CRISP2: variants seen among roughly 807,000 people sequenced by gnomAD.
CRISP2 encodes cysteine rich secretory protein 2.
A neutral mutation model predicts 31.7 loss-of-function variants in CRISP2; 29 were observed. The observed-to-expected ratio is 0.92, with a 90% CI of 0.68 to 1.25. The LOEUF (loss-of-function observed/expected upper bound fraction) is 1.25, where lower values mean the gene tolerates loss of function less well. CRISP2 is among the 50% of genes most tolerant of loss of function. The probability of loss-of-function intolerance (pLI) is 0.00; values close to 1 mark genes in which losing one functional copy is unlikely to be tolerated. For missense variants in CRISP2, 318 were observed against 286.5 expected, an observed-to-expected ratio of 1.11 and a Z score of -0.79; for synonymous variants, 111 against 101.4, an observed-to-expected ratio of 1.09 and a Z score of -0.57.
chr6:49,687,748 A>G (rs1763928733), downstream of CRISP2, among the ~76,000 whole-genome samples: 1 of 152,138 alleles, frequency 6.6e-6, no homozygotes, highest in East Asian at 1.9e-4. Flanking sequence ...TGGAGCCTTT[A>G]AGTTTCACGA....
chr6:49,702,139 C>CATATATATATATATGTGTACA (rs751022904), intron 4 of CRISP2, among the ~76,000 whole-genome samples: 1 of 91,520 alleles, frequency 1.1e-5, no homozygotes, highest in African/African-American at 4.1e-5. Flanking sequence ...TATATGTGTA[C>CATATATATATATATGTGTACA]TATATATATA....
chr6:49,698,308 G>T (rs1010178497), intron 7 of CRISP2, 54 bp downstream of exon 7: 4 of 1,587,240 alleles, frequency 2.5e-6, no homozygotes, highest in Middle Eastern at 1.7e-4. Flanking sequence ...ATTTGGAGAA[G>T]CTTTCCTCTA....
intron 4 of CRISP2, among the ~76,000 whole-genome samples, chr6:49,705,835 T>C (rs960775259): frequency 3.3e-5 from 5 of 152,220 alleles, no homozygotes; most frequent in African/African-American, 1.2e-4. Context: ...GATGTGTGTT[T>C]AGAGGCAGAT....
chr6:49,710,650 T>A (rs1393180885), intron 3 of CRISP2, among the ~76,000 whole-genome samples: 1 of 152,198 alleles, frequency 6.6e-6, no homozygotes, highest in Non-Finnish European at 1.5e-5. Context: ...TCTAGTATAA[T>A]TGTCTCAAGT....
chr6:49,684,760 A>G, the CRISP2 span, among the ~76,000 whole-genome samples: 1 of 152,120 alleles, frequency 6.6e-6, no homozygotes, highest in Non-Finnish European at 1.5e-5. Context: ...GATCATTCTC[A>G]TTGTTTTTAT....
chr6:49,707,892 A>G (rs1767345756), intron 4 of CRISP2, among the ~76,000 whole-genome samples: 1 of 152,180 alleles, frequency 6.6e-6, no homozygotes, highest in Non-Finnish European at 1.5e-5. Context: ...CAATTCAACA[A>G]AGTAGCATAT....
At chr6:49,680,507 G>T in the CRISP2 span, among the ~76,000 whole-genome samples, 5 of 152,118 alleles carry the variant, frequency 3.3e-5, no homozygotes, top group African/African-American at 1.2e-4. Flanking sequence ...TATTCCTTTG[G>T]GTATATACCC....
the CRISP2 span, among the ~76,000 whole-genome samples, chr6:49,677,403 T>C: frequency 6.6e-6 from 1 of 152,170 alleles, no homozygotes; most frequent in Non-Finnish European, 1.5e-5. Context: ...TCCTTGTATT[T>C]ATTATGTTTC....
intron 4 of CRISP2, among the ~76,000 whole-genome samples, chr6:49,706,530 T>A (rs1767061841): frequency 6.6e-6 from 1 of 152,176 alleles, no homozygotes; most frequent in Non-Finnish European, 1.5e-5. Context: ...TATATTTGTC[T>A]GTGTGTATGG....
chr6:49,679,689 G>GGTT, the CRISP2 span, among the ~76,000 whole-genome samples: 1 of 150,448 alleles, frequency 6.6e-6, no homozygotes, highest in Non-Finnish European at 1.5e-5. Flanking sequence ...CAGTGTTGTT[G>GGTT]TTTTTTTTTG....
intron 4 of CRISP2, 59 bp from the exon 5 acceptor site, chr6:49,700,843 T>A: frequency 1.9e-6 from 2 of 1,080,960 alleles, no homozygotes; most frequent in Non-Finnish European, 2.8e-6. Flanking sequence ...CATATAATAG[T>A]GAATAAGTTA....
At chr6:49,688,635 A>G (rs541659442), downstream of CRISP2, among the ~76,000 whole-genome samples, 7 of 152,252 alleles carry the variant, frequency 4.6e-5, no homozygotes, top group South Asian at 1.5e-3. Flanking sequence ...AATTTTGTAG[A>G]AAATTTTGAA....
intron 8 of CRISP2, among the ~76,000 whole-genome samples, chr6:49,696,250 C>G (rs912744534): frequency 6.6e-6 from 1 of 151,992 alleles, no homozygotes; most frequent in Non-Finnish European, 1.5e-5. Context: ...GCAGTGTACC[C>G]CAAGGTGCCA....
chr6:49,684,849 G>T, the CRISP2 span, among the ~76,000 whole-genome samples: 1 of 152,126 alleles, frequency 6.6e-6, no homozygotes, highest in Non-Finnish European at 1.5e-5. Context: ...TATTGAAAGG[G>T]ACAGAAAGTC....
the CRISP2 span, among the ~76,000 whole-genome samples, chr6:49,677,153 G>T: frequency 1.3e-5 from 2 of 152,242 alleles, no homozygotes; most frequent in South Asian, 4.1e-4. Flanking sequence ...CACCACTGGT[G>T]TAGTGGTAAT....
At chr6:49,711,358 A>G (rs1224587325) in intron 2 of CRISP2, 37 bp from the exon 3 acceptor site, 1 of 152,212 alleles carries the variant, frequency 6.6e-6, no homozygotes, top group Non-Finnish European at 1.5e-5. Context: ...TTAGAGCAGC[A>G]TATATATTAC....
At chr6:49,684,559 G>C in the CRISP2 span, among the ~76,000 whole-genome samples, 2 of 152,076 alleles carry the variant, frequency 1.3e-5, no homozygotes, top group Admixed American at 1.3e-4. Context: ...CAGTGCTAAG[G>C]GGAAGCAGAG....
intron 1 of CRISP2, among the ~76,000 whole-genome samples, chr6:49,713,067 T>C (rs1376342282): frequency 6.6e-6 from 1 of 152,142 alleles, no homozygotes; most frequent in African/African-American, 2.4e-5. Flanking sequence ...GCAGAGTCAA[T>C]GACCCCAACT....
downstream of CRISP2, among the ~76,000 whole-genome samples, chr6:49,688,074 G>A (rs993882844): frequency 6.6e-5 from 10 of 152,192 alleles, no homozygotes; most frequent in Non-Finnish European, 1.5e-4. Context: ...ATAGCTTGTT[G>A]CCATGGAGCT....
Sources: allele counts gnomAD v4.1 joint callset (sites outside exome capture counted in the v4.1 genomes callset), GRCh38; gene constraint gnomAD v4.1.1; transcripts MANE v1.5; gene names NCBI Gene and HGNC (gene_info 2026-07-23, HGNC 2026-07-21).